The following PAFAH1B1 variants were observed in gnomAD, a reference collection of about 807,000 sequenced individuals.
The protein encoded by PAFAH1B1 is platelet activating factor acetylhydrolase 1b regulatory subunit 1.
Under a neutral mutation model 57.5 loss-of-function variants are expected in PAFAH1B1, and 2 were observed. That is an observed-to-expected ratio of 0.03 (90% CI 0.01 to 0.11). The LOEUF (loss-of-function observed/expected upper bound fraction) is 0.11. Ranked by LOEUF, PAFAH1B1 falls within the 10% of genes least tolerant of loss-of-function variation. PAFAH1B1 has a pLI of 1.00. For missense variants in PAFAH1B1, 257 were observed against 512.0 expected (o/e 0.50, Z 4.81); for synonymous variants, 152 against 169.6 (o/e 0.90, Z 0.81).
chr17:2,664,316 C>T (rs1189338531), intron 2 of PAFAH1B1, among the ~76,000 whole-genome samples: 2 of 152,046 alleles, frequency 1.3e-5, no homozygotes, highest in East Asian at 1.9e-4. Flanking sequence ...GAACTGGGCT[C>T]ACCACAGCCT....
chr17:2,609,842 T>C (rs1278020095), intron 1 of PAFAH1B1, among the ~76,000 whole-genome samples: 1 of 152,124 alleles, frequency 6.6e-6, no homozygotes, highest in Non-Finnish European at 1.5e-5. Context: ...ATATATATTT[T>C]AAGACAGAGT....
At chr17:2,623,508 T>G (rs963772248) in intron 1 of PAFAH1B1, among the ~76,000 whole-genome samples, 1 of 152,096 alleles carries the variant, frequency 6.6e-6, no homozygotes, top group Non-Finnish European at 1.5e-5. Context: ...TCTACCCGCC[T>G]TGGCCTCCCA....
chr17:2,613,391 G>A, intron 1 of PAFAH1B1: 1 of 241,772 alleles, frequency 4.1e-6, no homozygotes. Context: ...ATAGGGGGAG[G>A]TGGCTGTCAT....
upstream of PAFAH1B1, among the ~76,000 whole-genome samples, chr17:2,593,481 G>A (rs1349718164): frequency 2.0e-5 from 3 of 151,690 alleles, no homozygotes; most frequent in East Asian, 1.9e-4. Context: ...CCGCTCAGCC[G>A]CCCGCCCGCT....
chr17:2,636,124 T>G (rs550544183), intron 1 of PAFAH1B1, among the ~76,000 whole-genome samples: 24 of 152,056 alleles, frequency 1.6e-4, no homozygotes, highest in African/African-American at 5.1e-4. Context: ...AGAAACAGTA[T>G]GAAGAAAAGT....
In PAFAH1B1 at chr17:2,684,438, G is replaced by C. The variant is rs369373895; in HGVS notation, c.*2636G>C. On this transcript the variant is annotated 3_prime_UTR_variant, in exon 11 of 11. Coordinates refer to ENST00000397195, the MANE Select transcript of PAFAH1B1 (RefSeq NM_000430.4). ...TTATTAATTGGTTTAGAGGTTCACT[G>C]CTGCTTTGTCACTTTCTCAATCAAA... is the stretch of plus-strand genomic sequence containing the variant. The C allele has an allele frequency of 6.6e-6, 1 of 152,646 alleles. No individual in the cohort carries two copies. Among genetic ancestry groups the C allele is most frequent in the Admixed American group, 6.5e-5 (1 of 15,278 alleles). The allele number at this position is 152,646 out of a possible 1,614,324, so 9.5% of individuals were successfully genotyped here. A position where few individuals can be genotyped will look rare whatever the true frequency, so the allele number is the denominator to read the frequency against.
intron 2 of PAFAH1B1, among the ~76,000 whole-genome samples, chr17:2,645,925 T>C (rs1488177597): frequency 2.6e-5 from 4 of 151,882 alleles, no homozygotes; most frequent in African/African-American, 7.3e-5. Flanking sequence ...TATTTCTAAA[T>C]AGCTAAGGAG....
Position 2,670,244 on chromosome 17 carries a change from A to G in PAFAH1B1, c.481A>G (p.Ser161Gly). 2 of 1,614,182 alleles carry G rather than the reference A, an allele frequency of 1.2e-6. No homozygotes were observed. The highest frequency in any genetic ancestry group is 1.7e-6 in the Non-Finnish European group (2 of 1,179,992). ...TGTACAGGACATTTCATTCGACCACAGCGGCAAGCTTCTGGCTTCCTGTTC... is the reference window on the plus strand; with the variant it reads ...TGTACAGGACATTTCATTCGACCACGGCGGCAAGCTTCTGGCTTCCTGTTC... ...DSVQDISFDH[S>G]GKLLASCSAD... The change falls in exon 6 of 11, where the codon AGC (serine) becomes GGC (glycine). Residue 161 changes from serine (S) to glycine (G), a missense_variant. Transcript: ENST00000397195.
At chr17:2,645,745 CA>C (rs2068760106) in intron 2 of PAFAH1B1, among the ~76,000 whole-genome samples, 1 of 151,544 alleles carries the variant, frequency 6.6e-6, no homozygotes, top group Non-Finnish European at 1.5e-5. Flanking sequence ...GCTGGGACTA[CA>C]GGCGCATGCC....
intron 9 of PAFAH1B1, among the ~76,000 whole-genome samples, chr17:2,678,743 T>C (rs2069315584): frequency 6.6e-6 from 1 of 151,992 alleles, no homozygotes; most frequent in Admixed American, 6.6e-5. Flanking sequence ...AAATTAGTCA[T>C]GCATGATGAT....
chr17:2,630,282 C>T (rs1156385368), intron 1 of PAFAH1B1, among the ~76,000 whole-genome samples: 1 of 152,086 alleles, frequency 6.6e-6, no homozygotes, highest in Non-Finnish European at 1.5e-5. Flanking sequence ...CTCCGTTTAG[C>T]AGTTCTTGTA....
At chr17:2,642,941 T>G (rs999709740) in intron 2 of PAFAH1B1, among the ~76,000 whole-genome samples, 1 of 152,194 alleles carries the variant, frequency 6.6e-6, no homozygotes, top group East Asian at 1.9e-4. Context: ...GTTACTCTCT[T>G]CTGAATCCCT....
intron 9 of PAFAH1B1, among the ~76,000 whole-genome samples, chr17:2,676,913 A>C (rs2069277346): frequency 6.6e-6 from 1 of 152,132 alleles, no homozygotes; most frequent in Admixed American, 6.5e-5. Context: ...CTGTAATCCC[A>C]GCACTTTGGG....
intron 1 of PAFAH1B1, among the ~76,000 whole-genome samples, chr17:2,633,346 T>C (rs536780330): frequency 6.6e-6 from 1 of 152,038 alleles, no homozygotes; most frequent in South Asian, 2.1e-4. Flanking sequence ...TTTTGTATTT[T>C]TAGTAGAGAT....
intron 2 of PAFAH1B1, among the ~76,000 whole-genome samples, chr17:2,645,750 G>A (rs1016513942): frequency 1.3e-5 from 2 of 151,312 alleles, no homozygotes; most frequent in Non-Finnish European, 3.0e-5. Flanking sequence ...GACTACAGGC[G>A]CATGCCACCA....
intron 1 of PAFAH1B1, among the ~76,000 whole-genome samples, chr17:2,619,219 C>T (rs2068387643): frequency 1.3e-5 from 2 of 151,910 alleles, no homozygotes; most frequent in South Asian, 2.1e-4. Flanking sequence ...GCGTAATCAC[C>T]GCAGCTCACT....
rs2069444174 is a variant in PAFAH1B1 at position 2,684,625 on chromosome 17, G to A, written c.*2823G>A. 1 of 152,686 alleles carries A rather than the reference G, an allele frequency of 6.5e-6. No homozygotes were observed. The highest frequency in any genetic ancestry group is 2.1e-4 in the South Asian group (1 of 4,836). The allele number at this position is 152,686 out of a possible 1,614,324, so 9.5% of individuals were successfully genotyped here. On this transcript the variant is annotated 3_prime_UTR_variant, in exon 11 of 11. Coordinates refer to ENST00000397195, the MANE Select transcript of PAFAH1B1 (RefSeq NM_000430.4). ...CTTGAGAGTGCATGCCATGGAGACT[G>A]GTTTAGACACCGCGTGGAGCCTAGT...
rs556648231 is a variant in PAFAH1B1, at chr17:2,615,271, C to G, written c.-191+21265C>G. ...GATTCGAGCATTGTTTTATTGGTAT[C>G]CGGGGGGTCCTGGAATGACTGTACA... On this transcript the variant is annotated intron_variant, in intron 1 of 10. Transcript: ENST00000397195. 2.6e-5 allele frequency among the ~76,000 whole-genome samples: 4 copies of G among 152,054 alleles called. No homozygotes were observed. The South Asian group carries it at 8.3e-4, about 32-fold the overall frequency.
At chr17:2,605,399 A>C (rs931101574) in intron 1 of PAFAH1B1, among the ~76,000 whole-genome samples, 2 of 152,206 alleles carry the variant, frequency 1.3e-5, no homozygotes, top group Non-Finnish European at 2.9e-5. Context: ...GTTGCCAAAA[A>C]CCCATCATCA....
Sources: allele counts gnomAD v4.1 joint callset (sites outside exome capture counted in the v4.1 genomes callset), GRCh38; gene constraint gnomAD v4.1.1; transcripts MANE v1.5; gene names NCBI Gene and HGNC (gene_info 2026-07-23, HGNC 2026-07-21).